The following GRB10 variants were observed in gnomAD, a reference collection of about 807,000 sequenced individuals.
The protein encoded by GRB10 is growth factor receptor-bound protein 10.
GRB10 carries 20 observed loss-of-function variants against 80.9 expected under a neutral mutation model. The ratio of observed to expected loss-of-function variants is 0.25; its 90% CI spans 0.17 to 0.36. GRB10 has a LOEUF of 0.36. Ranked by LOEUF, GRB10 falls within the 10% of genes least tolerant of loss-of-function variation. The probability of loss-of-function intolerance (pLI) is 1.00; values close to 1 mark genes in which losing one functional copy is unlikely to be tolerated. For synonymous variants in GRB10, 291 were observed against 291.5 expected (o/e 1.00, Z 0.02); for missense variants, 548 against 747.7 (o/e 0.73, Z 3.12).
At chr7:50,677,649 G>A (rs2061100154) in intron 5 of GRB10, among the ~76,000 whole-genome samples, 1 of 152,192 alleles carries the variant, frequency 6.6e-6, no homozygotes, top group Non-Finnish European at 1.5e-5. Context: ...TAGCTGACAG[G>A]GAATAGCTGC....
chr7:50,771,628 G>A (rs867031903), intron 2 of GRB10, among the ~76,000 whole-genome samples: 3 of 152,080 alleles, frequency 2.0e-5, no homozygotes, highest in African/African-American at 4.8e-5. Flanking sequence ...ACACATCAGC[G>A]CCCAAGATTC....
chr7:50,709,427 C>A (rs1457399497), intron 4 of GRB10, among the ~76,000 whole-genome samples: 4 of 152,234 alleles, frequency 2.6e-5, no homozygotes, highest in African/African-American at 7.2e-5. Context: ...GGGAGGCCAG[C>A]TGGGCTGTTC....
At chr7:50,613,651 C>A (rs76573181) in intron 12 of GRB10, among the ~76,000 whole-genome samples, 1 of 152,178 alleles carries the variant, frequency 6.6e-6, no homozygotes, top group Non-Finnish European at 1.5e-5. Context: ...GCAGAGACTG[C>A]GTTTGCAGAG....
chr7:50,655,432 G>T (rs182841508), intron 7 of GRB10, among the ~76,000 whole-genome samples: 3 of 152,154 alleles, frequency 2.0e-5, no homozygotes, highest in South Asian at 2.1e-4. Context: ...TGACCTGAGC[G>T]TTAGGTTGAA....
At chr7:50,713,115 A>G (rs963029199) in intron 4 of GRB10, among the ~76,000 whole-genome samples, 1 of 152,246 alleles carries the variant, frequency 6.6e-6, no homozygotes, top group Non-Finnish European at 1.5e-5. Context: ...GAATTTCTAC[A>G]GAAGAGTAGC....
intron 4 of GRB10, among the ~76,000 whole-genome samples, chr7:50,713,126 T>A (rs2066149614): frequency 6.6e-6 from 1 of 152,210 alleles, no homozygotes; most frequent in Non-Finnish European, 1.5e-5. Context: ...GAAGAGTAGC[T>A]ACATGACCTT....
intron 18 of GRB10, 28 bp downstream of exon 18, chr7:50,595,409 G>T: frequency 8.5e-7 from 1 of 1,178,136 alleles, no homozygotes; most frequent in South Asian, 1.2e-5. Context: ...CAAACCACAA[G>T]GACTGGTCTG....
chr7:50,687,410 C>T (rs2062229747), intron 5 of GRB10, among the ~76,000 whole-genome samples: 1 of 152,232 alleles, frequency 6.6e-6, no homozygotes. Context: ...GCCTTCACAC[C>T]TCTGCCTTGA....
chr7:50,751,898 G>C lies in GRB10; in HGVS notation c.-47+3989C>G, dbSNP rs561465310. On this transcript the variant is annotated intron_variant, in intron 3 of 18. Transcript: ENST00000401949. ...AGTCTTTGGCCCTAGGGGAAATACAGAGTTAGGTTTCTATGAGCCAGTCAC... is the reference window on the plus strand; with the variant it reads ...AGTCTTTGGCCCTAGGGGAAATACACAGTTAGGTTTCTATGAGCCAGTCAC... Among the ~76,000 whole-genome samples, 8 of 152,314 alleles carry C rather than the reference G, an allele frequency of 5.3e-5. No homozygotes were observed. The South Asian group carries it at 1.7e-3, about 32-fold the overall frequency.
At chr7:50,766,221 T>C (rs2076326007) in intron 2 of GRB10, among the ~76,000 whole-genome samples, 1 of 152,348 alleles carries the variant, frequency 6.6e-6, no homozygotes, top group Middle Eastern at 3.4e-3. Context: ...TCAGGGTCCC[T>C]TGTGATCCCC....
intron 7 of GRB10, among the ~76,000 whole-genome samples, chr7:50,628,241 G>C (rs1399827265): frequency 6.6e-6 from 1 of 152,240 alleles, no homozygotes; most frequent in Non-Finnish European, 1.5e-5. Context: ...CGCAACTGAT[G>C]TGTCAGTGGC....
intron 17 of GRB10, among the ~76,000 whole-genome samples, chr7:50,601,412 A>C (rs372026730): frequency 2.6e-4 from 39 of 152,326 alleles, no homozygotes; most frequent in African/African-American, 9.4e-4. Flanking sequence ...TGAAACAAAC[A>C]AACCTGATTT....
At chr7:50,732,439 C>G in intron 3 of GRB10, 71 bp from the exon 4 acceptor site, 1 of 906,536 alleles carries the variant, frequency 1.1e-6, no homozygotes, top group Non-Finnish European at 1.8e-6. Context: ...ATGGCTGGTT[C>G]AAGTGTGACA....
At chr7:50,619,410 A>G in intron 8 of GRB10, 125 bp from the exon 9 acceptor site, 2 of 717,518 alleles carry the variant, frequency 2.8e-6, no homozygotes, top group South Asian at 2.9e-5. Context: ...AGATGAGGTC[A>G]GGAAGGAAAC....
At chr7:50,619,100 T>C in intron 9 of GRB10, 70 bp downstream of exon 9, 2 of 894,600 alleles carry the variant, frequency 2.2e-6, no homozygotes, top group East Asian at 4.9e-5. Context: ...AATCTGATAC[T>C]ATGAAACCCA....
At chr7:50,765,788 A>G (rs1017588365) in intron 2 of GRB10, among the ~76,000 whole-genome samples, 3 of 152,242 alleles carry the variant, frequency 2.0e-5, no homozygotes, top group African/African-American at 7.2e-5. Flanking sequence ...ACTACCGTCT[A>G]CAATAATCTA....
chr7:50,792,570 C>T, intron 1 of GRB10: 2 of 398,368 alleles, frequency 5.0e-6, no homozygotes, highest in Non-Finnish European at 8.9e-6. Context: ...CACATTTCCA[C>T]GGCTGGCGGG....
chr7:50,705,344 C>T (rs2064888696), intron 4 of GRB10: 2 of 972,016 alleles, frequency 2.1e-6, no homozygotes, highest in African/African-American at 3.5e-5. Flanking sequence ...CAAAATAAAA[C>T]GAACAAAGCC....
intron 4 of GRB10, among the ~76,000 whole-genome samples, chr7:50,713,338 C>G (rs1453879713): frequency 1.3e-5 from 2 of 151,866 alleles, no homozygotes; most frequent in Non-Finnish European, 2.9e-5. Flanking sequence ...TTCCCACCAC[C>G]TCCTTCCATC....
Sources: gnomAD v4.1 joint callset for allele counts (sites outside exome capture counted in the v4.1 genomes callset) on GRCh38, gnomAD v4.1.1 for gene constraint, MANE v1.5 for transcripts, NCBI Gene and HGNC (gene_info 2026-07-23, HGNC 2026-07-21) for gene names.